RBMS3: variants seen among roughly 807,000 people sequenced by gnomAD.
RBMS3 encodes RNA-binding motif, single-stranded-interacting protein 3.
Under a neutral mutation model 66.8 loss-of-function variants are expected in RBMS3, and 27 were observed. The ratio of observed to expected loss-of-function variants is 0.40; its 90% CI spans 0.30 to 0.56. The LOEUF is 0.56. Ranked by LOEUF, RBMS3 falls within the 20% of genes least tolerant of loss-of-function variation. The pLI, the probability that RBMS3 is intolerant of heterozygous loss-of-function variation, is 0.40. For synonymous variants in RBMS3, 188 were observed against 183.0 expected, an observed-to-expected ratio of 1.03 and a Z score of -0.22; for missense variants, 513 against 549.5, an observed-to-expected ratio of 0.93 and a Z score of 0.66.
chr3:29,380,694 C>T (rs984989140), intron 1 of RBMS3, among the ~76,000 whole-genome samples: 2 of 152,114 alleles, frequency 1.3e-5, no homozygotes, highest in African/African-American at 4.8e-5. Context: ...ATCCCATAGT[C>T]AAAATCAGTG....
chr3:29,484,565 C>G (rs574390664), intron 2 of RBMS3, among the ~76,000 whole-genome samples: 1 of 152,122 alleles, frequency 6.6e-6, no homozygotes, highest in Non-Finnish European at 1.5e-5. Context: ...ACAATTTTAA[C>G]ATATTAATTT....
chr3:29,598,695 T>C (rs1281233400), intron 4 of RBMS3, among the ~76,000 whole-genome samples: 1 of 152,060 alleles, frequency 6.6e-6, no homozygotes, highest in Admixed American at 6.6e-5. Flanking sequence ...TCATCTTTTT[T>C]ATTTTTCTCT....
At chr3:29,980,289 C>A (rs1697897089) in intron 12 of RBMS3, among the ~76,000 whole-genome samples, 1 of 150,770 alleles carries the variant, frequency 6.6e-6, no homozygotes, top group Admixed American at 6.6e-5. Context: ...GGTTGTCTTT[C>A]TCTTGTAAAT....
At chr3:29,971,368 C>CTTGT (rs150403023) in intron 12 of RBMS3, among the ~76,000 whole-genome samples, 15,805 of 151,684 alleles carry the variant, frequency 0.1, 1,521 homozygotes, top group African/African-American at 0.23. Flanking sequence ...TCCTAATACA[C>CTTGT]TTGTTTGTTT....
chr3:29,804,101 T>C (rs1182866374), intron 6 of RBMS3, among the ~76,000 whole-genome samples: 1 of 152,084 alleles, frequency 6.6e-6, no homozygotes, highest in Non-Finnish European at 1.5e-5. Flanking sequence ...GTAAATCACT[T>C]TATACAAGCA....
At chr3:29,740,171 A>G (rs542187814) in intron 5 of RBMS3, among the ~76,000 whole-genome samples, 4 of 152,248 alleles carry the variant, frequency 2.6e-5, no homozygotes, top group African/African-American at 7.2e-5. Context: ...GATCAACAAA[A>G]TCAGATGCTG....
intron 1 of RBMS3, among the ~76,000 whole-genome samples, chr3:29,344,732 G>A (rs1575583680): frequency 6.6e-6 from 1 of 152,042 alleles, no homozygotes; most frequent in East Asian, 1.9e-4. Context: ...ATTTTTCTGG[G>A]AGTAGCTTAA....
intron 10 of RBMS3, among the ~76,000 whole-genome samples, chr3:29,908,849 A>G (rs1025298171): frequency 6.6e-6 from 1 of 152,166 alleles, no homozygotes; most frequent in African/African-American, 2.4e-5. Context: ...TTGTAGAAAA[A>G]CATTATATGC....
chr3:29,936,006 T>C, intron 10 of RBMS3, 80 bp from the exon 11 acceptor site: 2 of 1,161,988 alleles, frequency 1.7e-6, no homozygotes, highest in South Asian at 2.9e-5. Context: ...TTCACACATT[T>C]ACAATTTACA....
At chr3:29,972,714 G>A (rs1162905813) in intron 12 of RBMS3, among the ~76,000 whole-genome samples, 1 of 152,056 alleles carries the variant, frequency 6.6e-6, no homozygotes, top group African/African-American at 2.4e-5. Context: ...TTCACGATGT[G>A]TGGGCTGGAG....
intron 1 of RBMS3, among the ~76,000 whole-genome samples, chr3:29,393,853 G>A (rs957736486): frequency 6.6e-6 from 1 of 152,058 alleles, no homozygotes; most frequent in Admixed American, 6.6e-5. Flanking sequence ...GTACGAGCAG[G>A]GAGTAAGTCA....
At chr3:29,370,561 C>T (rs927117346) in intron 1 of RBMS3, among the ~76,000 whole-genome samples, 1 of 152,272 alleles carries the variant, frequency 6.6e-6, no homozygotes, top group Admixed American at 6.5e-5. Flanking sequence ...CCTGGCTCAT[C>T]CACTTGTGAG....
At chr3:29,809,301 C>A (rs1424899529) in intron 6 of RBMS3, among the ~76,000 whole-genome samples, 1 of 149,076 alleles carries the variant, frequency 6.7e-6, no homozygotes, top group East Asian at 2.0e-4. Flanking sequence ...ATTTGAAGTG[C>A]TAGTTATGTT....
At chr3:29,684,831 G>T (rs2051647360) in intron 4 of RBMS3, among the ~76,000 whole-genome samples, 1 of 150,276 alleles carries the variant, frequency 6.7e-6, no homozygotes, top group Admixed American at 6.6e-5. Flanking sequence ...CATACACTGA[G>T]CTAAAGAGGA....
chr3:29,436,411 G>A (rs2041406116), intron 2 of RBMS3, among the ~76,000 whole-genome samples: 1 of 152,132 alleles, frequency 6.6e-6, no homozygotes. Flanking sequence ...AACCTTGAAA[G>A]ATAAATATAT....
chr3:29,441,027 GT>G (rs774318080), intron 2 of RBMS3, among the ~76,000 whole-genome samples: 36 of 151,886 alleles, frequency 2.4e-4, no homozygotes, highest in Middle Eastern at 3.4e-3. Context: ...AGATTTAAAA[GT>G]TTCCTCTAAT....
chr3:29,575,422 G>A (rs898783796), intron 3 of RBMS3, among the ~76,000 whole-genome samples: 1 of 151,684 alleles, frequency 6.6e-6, no homozygotes, highest in Non-Finnish European at 1.5e-5. Flanking sequence ...CTACTTTTAG[G>A]ATCCTTTCTT....
intron 6 of RBMS3, among the ~76,000 whole-genome samples, chr3:29,780,228 G>A (rs1012551646): frequency 5.3e-5 from 8 of 151,598 alleles, no homozygotes; most frequent in South Asian, 2.1e-4. Context: ...GCCCCTGAGC[G>A]CTTTGAATTG....
At chr3:29,500,343 T>C (rs554019011) in intron 3 of RBMS3, among the ~76,000 whole-genome samples, 1 of 150,720 alleles carries the variant, frequency 6.6e-6, no homozygotes, top group Non-Finnish European at 1.5e-5. Context: ...GTATAGAAAA[T>C]AGAAATTTTC....
Sources: allele counts gnomAD v4.1 joint callset (sites outside exome capture counted in the v4.1 genomes callset), GRCh38; gene constraint gnomAD v4.1.1; transcripts MANE v1.5; gene names NCBI Gene and HGNC (gene_info 2026-07-23, HGNC 2026-07-21).